The following GPATCH11 variants were observed in gnomAD, a reference collection of about 807,000 sequenced individuals.
GPATCH11 encodes G-patch domain containing 11.
In GPATCH11, 32 loss-of-function variants were observed where a neutral mutation model predicts 44.8. The ratio of observed to expected loss-of-function variants is 0.71; its 90% CI spans 0.54 to 0.96. The LOEUF is 0.96. Among genes scored for constraint, GPATCH11 ranks in the 40% least tolerant of loss-of-function variants. The pLI is 0.00. For synonymous variants in GPATCH11, 84 were observed against 94.4 expected, an observed-to-expected ratio of 0.89 and a Z score of 0.64; for missense variants, 324 against 303.1, an observed-to-expected ratio of 1.07 and a Z score of -0.51.
Position 37,089,834 on chromosome 2 carries a change from G to C in GPATCH11, c.254G>C (p.Gly85Ala). 6.4e-7 allele frequency: 1 copy of C among 1,551,686 alleles called. No homozygotes were observed. Among genetic ancestry groups the C allele is most frequent in the South Asian group, 1.2e-5 (1 of 84,068 alleles). The change falls in exon 3 of 9, where the codon GGC (glycine) becomes GCC (alanine). Residue 85 changes from glycine to alanine, a missense_variant. Physicochemically the swap from Gly to Ala is moderately conservative, Grantham distance 60 (BLOSUM62 0). Coordinates refer to ENST00000674370, the MANE Select transcript of GPATCH11 (RefSeq NM_174931.4). ...NKGFALLQKM[G>A]YKSGQALGKS... ...GGGTTTGCCTTGCTCCAAAAGATGG[G>C]CTATAAAAGTGGTCAGGCACTTGGC...
Position 37,089,667 on chromosome 2 carries a change from G to A in GPATCH11, c.87G>A (p.Met29Ile). Residue 29 changes from methionine (M) to isoleucine (I), a missense_variant, in exon 3 of 9, where the codon ATG (methionine) becomes ATA (isoleucine). Coordinates refer to ENST00000674370, the MANE Select transcript of GPATCH11 (RefSeq NM_174931.4). Reference protein sequence around the residue: ...VQEDIRPGLPMLRQIREARRK... With the variant: ...VQEDIRPGLPILRQIREARRK... ...AAGATATCAGACCAGGATTGCCAAT[G>A]CTAAGGCAAATCCGAGAAGCCCGTC... The A allele has an allele frequency of 6.4e-7, 1 of 1,551,434 alleles. No homozygotes were observed. The highest frequency in any genetic ancestry group is 8.7e-7 in the Non-Finnish European group (1 of 1,146,950).
intron 4 of GPATCH11, among the ~76,000 whole-genome samples, chr2:37,091,089 C>T (rs1344430495): frequency 6.6e-6 from 1 of 152,234 alleles, no homozygotes; most frequent in East Asian, 1.9e-4. Flanking sequence ...CTTTGGGTGG[C>T]CGAGGCAGGC....
At chr2:37,084,700 G>A in intron 1 of GPATCH11, 130 bp downstream of exon 1, 1 of 680,104 alleles carries the variant, frequency 1.5e-6, no homozygotes, top group Non-Finnish European at 2.1e-6. Context: ...TCTGTGGGAC[G>A]CTTGCAGCCA....
chr2:37,087,551 T>A (rs1673108651), intron 1 of GPATCH11, among the ~76,000 whole-genome samples: 2 of 152,226 alleles, frequency 1.3e-5, no homozygotes, highest in South Asian at 4.1e-4. Flanking sequence ...GGGCCAATAA[T>A]TACATGATTT....
rs1490524730 is a variant in GPATCH11 at position 37,097,826 on chromosome 2, C to G, written c.*1563C>G. Reference sequence around the variant, plus strand: ...GGTCCCATCCCAAGAGATTCTGATGCCATTAGTCACTGTGACTTGGGCATC... The same window carrying G: ...GGTCCCATCCCAAGAGATTCTGATGGCATTAGTCACTGTGACTTGGGCATC... On this transcript the variant is annotated 3_prime_UTR_variant, in exon 9 of 9. Transcript: ENST00000674370. 1 of 152,202 alleles carries G rather than the reference C, an allele frequency of 6.6e-6. No homozygotes were observed. The highest frequency in any genetic ancestry group is 6.5e-5 in the Admixed American group (1 of 15,282). The allele number at this position is 152,202 out of a possible 1,614,324, so 9.4% of individuals were successfully genotyped here. A position where few individuals can be genotyped will look rare whatever the true frequency, so the allele number is the denominator to read the frequency against.
At position 37,098,168 on chromosome 2, in the gene GPATCH11, C is replaced by T. The variant is rs1347558394; in HGVS notation, c.*1905C>T. On this transcript the variant is annotated 3_prime_UTR_variant, in exon 9 of 9. Coordinates refer to ENST00000674370, the MANE Select transcript of GPATCH11 (RefSeq NM_174931.4). Reference sequence around the variant, plus strand: ...TGAAACCCCATCTCTACTAAAAATACAAAAATTAGCTGGGCGTGGTGGCAT... The same window carrying T: ...TGAAACCCCATCTCTACTAAAAATATAAAAATTAGCTGGGCGTGGTGGCAT... 6.6e-6 allele frequency: 1 copy of T among 151,574 alleles called. No individual in the cohort carries two copies. Among genetic ancestry groups the T allele is most frequent in the African/African-American group, 2.4e-5 (1 of 41,270 alleles). 9.4% of individuals were successfully genotyped at this position (151,574 alleles called of 1,614,324 possible).
chr2:37,093,006 TG>T (rs1344119742), intron 6 of GPATCH11, among the ~76,000 whole-genome samples: 11 of 151,980 alleles, frequency 7.2e-5, no homozygotes, highest in Non-Finnish European at 1.5e-4. Context: ...ATTAGCTGCA[TG>T]TGGTGGCACA....
intron 1 of GPATCH11, 103 bp from the exon 2 acceptor site, chr2:37,088,266 A>G (rs1673138948): frequency 2.1e-6 from 1 of 483,442 alleles, no homozygotes; most frequent in East Asian, 3.3e-5. Flanking sequence ...GGGCACTTGA[A>G]TATATAGTAG....
Position 37,094,162 on chromosome 2 carries a change from G to A in GPATCH11, c.621G>A (p.Gln207=). 6.4e-7 allele frequency: 1 copy of A among 1,569,116 alleles called. No individual in the cohort carries two copies. Among genetic ancestry groups the A allele is most frequent in the Non-Finnish European group, 8.7e-7 (1 of 1,155,472 alleles). ...AAGAAGATGAAGAAGAAAAAGAACAGGATGAAGATGAATATAAGAGTGAAG... is the reference window on the plus strand; with the variant it reads ...AAGAAGATGAAGAAGAAAAAGAACAAGATGAAGATGAATATAAGAGTGAAG... ...ETEEDEEEKE[Q]DEDEYKSEDL... Residue 207 remains glutamine, a synonymous_variant, in exon 7 of 9, where the codon CAG becomes CAA. Coordinates refer to ENST00000674370, the MANE Select transcript of GPATCH11 (RefSeq NM_174931.4).
At chr2:37,094,942 CAAA>C (rs200157191) in intron 7 of GPATCH11, among the ~76,000 whole-genome samples, 9 of 65,458 alleles carry the variant, frequency 1.4e-4, no homozygotes, top group African/African-American at 1.2e-4. Context: ...CCCTGTCTCA[CAAA>C]AAAAAAAAAA....
intron 6 of GPATCH11, 140 bp downstream of exon 6, chr2:37,092,395 CATATATTTATATGTATCAT>C (rs1190951880): frequency 5.8e-6 from 1 of 172,300 alleles, no homozygotes; most frequent in Non-Finnish European, 1.3e-5. Context: ...ATATGTATTA[CATATATTTATATGTATCAT>C]ATATATTTAT....
At chr2:37,094,942 C>CAAA (rs200157191) in intron 7 of GPATCH11, among the ~76,000 whole-genome samples, 1 of 65,444 alleles carries the variant, frequency 1.5e-5, no homozygotes, top group African/African-American at 5.8e-5. Flanking sequence ...CCCTGTCTCA[C>CAAA]AAAAAAAAAA....
At chr2:37,093,888 C>T (rs190732092) in intron 6 of GPATCH11, among the ~76,000 whole-genome samples, 194 bp from the exon 7 acceptor site, 23 of 152,276 alleles carry the variant, frequency 1.5e-4, no homozygotes, top group Admixed American at 4.6e-4. Context: ...ATCTCTTGAC[C>T]TCGTGATCCA....
chr2:37,094,249 A>C, intron 7 of GPATCH11, 54 bp downstream of exon 7: 1 of 1,089,394 alleles, frequency 9.2e-7, no homozygotes, highest in Non-Finnish European at 1.4e-6. Flanking sequence ...CAACATTAGC[A>C]CTTTGAGTTG....
chr2:37,086,298 A>C (rs192316740), intron 1 of GPATCH11, among the ~76,000 whole-genome samples: 3 of 152,344 alleles, frequency 2.0e-5, no homozygotes, highest in African/African-American at 7.2e-5. Context: ...ACGTATTTAA[A>C]AAGTGTTTAA....
At chr2:37,094,957 A>T (rs1192635979) in intron 7 of GPATCH11, among the ~76,000 whole-genome samples, 1 of 152,082 alleles carries the variant, frequency 6.6e-6, no homozygotes, top group Non-Finnish European at 1.5e-5. Flanking sequence ...AAAAAAAAAA[A>T]AGGAAATGGA....
At chr2:37,094,336 A>G in intron 7 of GPATCH11, 141 bp downstream of exon 7, 2 of 581,824 alleles carry the variant, frequency 3.4e-6, no homozygotes, top group South Asian at 4.0e-5. Flanking sequence ...TGCCCACCAG[A>G]TACCAGTTGC....
Position 37,085,461 on chromosome 2 carries a change from C to T in GPATCH11, c.-14+891C>T, listed in dbSNP as rs190868868. Reference sequence around the variant, plus strand: ...TGAAGAATCTGAGGTTTAGAGGAAGCGGGTGAATTACCATAAATGCTGTAT... The same window carrying T: ...TGAAGAATCTGAGGTTTAGAGGAAGTGGGTGAATTACCATAAATGCTGTAT... On this transcript the variant is annotated intron_variant, in intron 1 of 8. Coordinates refer to ENST00000674370, the MANE Select transcript of GPATCH11 (RefSeq NM_174931.4). Among the ~76,000 whole-genome samples the T allele has an allele frequency of 2.1e-4, 32 of 152,214 alleles. 1 individual carries two copies. The East Asian group carries it at 5.8e-3, about 27-fold the overall frequency.
At position 37,084,560 on chromosome 2, in the gene GPATCH11, A is replaced by G. The variant is rs1336693177; in HGVS notation, c.-24A>G. The G allele has an allele frequency of 2.4e-6, 3 of 1,232,242 alleles. No individual in the cohort carries two copies. Among genetic ancestry groups the G allele is most frequent in the South Asian group, 8.2e-5 (2 of 24,328 alleles). The allele number at this position is 1,232,242 out of a possible 1,614,324, so 76.3% of individuals were successfully genotyped here. ...TACGGCGCTGAACCGGGGCGAGCAG[A>G]GAGCTGTCAGGTAAGAGAGCTGTCA... On this transcript the variant is annotated 5_prime_UTR_variant, in exon 1 of 9. Transcript: ENST00000674370.
Sources: allele counts gnomAD v4.1 joint callset (sites outside exome capture counted in the v4.1 genomes callset), GRCh38; gene constraint gnomAD v4.1.1; transcripts MANE v1.5; gene names NCBI Gene and HGNC (gene_info 2026-07-23, HGNC 2026-07-21).